The following MEI1 variants were observed in gnomAD, a reference collection of about 807,000 sequenced individuals.
The protein encoded by MEI1 is meiosis inhibitor protein 1.
In MEI1, 103 loss-of-function variants were observed where a neutral mutation model predicts 146.2. The observed-to-expected ratio is 0.70, with a 90% confidence interval of 0.60 to 0.83. The LOEUF (loss-of-function observed/expected upper bound fraction) is 0.83, where lower values mean the gene tolerates loss of function less well. Among genes scored for constraint, MEI1 ranks in the 40% least tolerant of loss-of-function variants. The probability of loss-of-function intolerance (pLI) is 0.00; values close to 1 mark genes in which losing one functional copy is unlikely to be tolerated. For synonymous variants in MEI1, 652 were observed against 628.2 expected, an observed-to-expected ratio of 1.04 and a Z score of -0.57; for missense variants, 1,529 against 1,533.0, an observed-to-expected ratio of 1.00 and a Z score of 0.04.
chr22:41,743,496 C>T (rs192731346), intron 12 of MEI1, among the ~76,000 whole-genome samples: 19 of 152,256 alleles, frequency 1.2e-4, no homozygotes, highest in East Asian at 7.7e-4. Flanking sequence ...CAGTCTATTA[C>T]ACACATTCTC....
intron 3 of MEI1, among the ~76,000 whole-genome samples, chr22:41,712,671 GATGTGT>G (rs2069692630): frequency 1.8e-5 from 1 of 56,212 alleles, no homozygotes; most frequent in African/African-American, 6.9e-5. Flanking sequence ...AATAGAAATA[GATGTGT>G]GTGTGTGTGT....
intron 18 of MEI1, among the ~76,000 whole-genome samples, chr22:41,761,460 G>A (rs1212528022): frequency 6.6e-6 from 1 of 151,664 alleles, no homozygotes. Flanking sequence ...AAATTCAGGT[G>A]CCCGCTACCA....
intron 14 of MEI1, among the ~76,000 whole-genome samples, chr22:41,747,639 G>A (rs2073404436): frequency 1.3e-5 from 2 of 152,092 alleles, no homozygotes; most frequent in Admixed American, 6.5e-5. Context: ...GAGAGGCAGA[G>A]GTTTCAATGA....
chr22:41,699,555 C>G lies in MEI1; in HGVS notation c.17C>G (p.Ala6Gly), dbSNP rs760554333. MAVRQ[A>G]ATAGTPGPRR... The stretch of plus-strand genomic sequence containing the variant: ...AGCGAGGAGATGGCTGTGAGGCAGG[C>G]GGCGACGGCGGGCACTCCCGGGCCC... Residue 6 changes from alanine (A) to glycine (G), a missense_variant, in exon 1 of 31, where the codon GCG becomes GGG. Physicochemically the swap from Ala to Gly is moderately conservative, Grantham distance 60 (BLOSUM62 0). Coordinates refer to ENST00000401548, the MANE Select transcript of MEI1 (RefSeq NM_152513.4). 3 of 1,610,978 alleles carry G rather than the reference C, an allele frequency of 1.9e-6. No individual in the cohort carries two copies. Among genetic ancestry groups the G allele is most frequent in the East Asian group, 4.5e-5 (2 of 44,824 alleles).
At chr22:41,707,189 T>A (rs1161056401) in intron 3 of MEI1, among the ~76,000 whole-genome samples, 1 of 152,054 alleles carries the variant, frequency 6.6e-6, no homozygotes, top group African/African-American at 2.4e-5. Flanking sequence ...GGTGATACAG[T>A]GAGACCCTGT....
intron 11 of MEI1, among the ~76,000 whole-genome samples, chr22:41,738,591 A>G (rs2072586833): frequency 6.6e-6 from 1 of 151,500 alleles, no homozygotes; most frequent in Non-Finnish European, 1.5e-5. Flanking sequence ...TGTCTCAAAA[A>G]CAAAACAAAA....
At chr22:41,728,272 C>T (rs568099884) in intron 7 of MEI1, among the ~76,000 whole-genome samples, 1 of 152,306 alleles carries the variant, frequency 6.6e-6, no homozygotes, top group African/African-American at 2.4e-5. Context: ...GTTAGGAACC[C>T]TCCTGAAATC....
At chr22:41,798,557 A>G (rs1983554) in intron 30 of MEI1, among the ~76,000 whole-genome samples, 110,587 of 150,370 alleles carry the variant, frequency 0.74, 41,195 homozygotes, top group African/African-American at 0.83. Context: ...CAGCCTGGGC[A>G]ACAGACCAAG....
At chr22:41,763,050 T>A (rs1463845146) in intron 18 of MEI1, 124 bp from the exon 19 acceptor site, 13 of 955,932 alleles carry the variant, frequency 1.4e-5, no homozygotes, top group Non-Finnish European at 2.0e-5. Context: ...GTCTAAGATG[T>A]CATTAGGCTG....
intron 11 of MEI1, among the ~76,000 whole-genome samples, chr22:41,735,453 C>T (rs1247440299): frequency 2.6e-5 from 4 of 152,098 alleles, no homozygotes; most frequent in East Asian, 1.9e-4. Context: ...GGGCTGGTCT[C>T]GAACTGCCGA....
chr22:41,729,811 A>ATCC, intron 8 of MEI1, 32 bp downstream of exon 8: 3 of 1,423,120 alleles, frequency 2.1e-6, no homozygotes, highest in Non-Finnish European at 2.9e-6. Flanking sequence ...TCTCCTCCCT[A>ATCC]TACTAGAAGG....
At chr22:41,732,372 T>C (rs1437930504) in intron 10 of MEI1, 28 bp downstream of exon 10, 9 of 1,613,250 alleles carry the variant, frequency 5.6e-6, no homozygotes, top group Non-Finnish European at 7.6e-6. Flanking sequence ...ACATGAGGCT[T>C]GTAGGGGCCA....
intron 11 of MEI1, among the ~76,000 whole-genome samples, chr22:41,739,666 G>A (rs2072690109): frequency 6.6e-6 from 1 of 151,976 alleles, no homozygotes; most frequent in African/African-American, 2.4e-5. Flanking sequence ...TAGAGTGGGA[G>A]GGATGAGTAA....
intron 18 of MEI1, among the ~76,000 whole-genome samples, chr22:41,758,993 A>G (rs1360919741): frequency 1.3e-5 from 2 of 151,906 alleles, no homozygotes; most frequent in African/African-American, 4.8e-5. Context: ...ACATACAAAA[A>G]TTAGCCGGGC....
intron 26 of MEI1, among the ~76,000 whole-genome samples, chr22:41,785,550 C>T (rs1003948751): frequency 5.3e-5 from 8 of 152,082 alleles, no homozygotes; most frequent in Admixed American, 4.6e-4. Flanking sequence ...GTGTGAGCCA[C>T]TGCACCTGGC....
At chr22:41,749,051 G>C (rs917847662) in intron 15 of MEI1, among the ~76,000 whole-genome samples, 1 of 152,160 alleles carries the variant, frequency 6.6e-6, no homozygotes, top group African/African-American at 2.4e-5. Flanking sequence ...TGATCTGCCC[G>C]CCTCGGCCTC....
Position 41,730,522 on chromosome 22 carries a change from G to A in MEI1, c.981G>A (p.Glu327=), listed in dbSNP as rs371108479. The change falls in exon 9 of 31, where the codon GAG becomes GAA. Residue 327 remains glutamate, a splice_region_variant and synonymous_variant. Transcript: ENST00000401548. ...TTTTCTCATCCTCTCCCTTGTTAGA[G>A]TTCCTCTTTGAGCATCTTTCTTCTT... The part of the protein sequence containing the change: ...ASAFIHADIP[E]FLFEHLSSSS... 236 of 1,608,328 alleles carry A rather than the reference G, an allele frequency of 1.5e-4. No homozygotes were observed. Among genetic ancestry groups the A allele is most frequent in the Non-Finnish European group, 1.9e-4 (224 of 1,174,894 alleles).
chr22:41,797,804 A>G (rs1028701778), intron 30 of MEI1, among the ~76,000 whole-genome samples: 5 of 152,066 alleles, frequency 3.3e-5, no homozygotes, highest in African/African-American at 1.2e-4. Context: ...CTCAACCTGT[A>G]CCTACCTCCT....
At chr22:41,700,450 C>T (rs1227891438) in intron 1 of MEI1, among the ~76,000 whole-genome samples, 1 of 152,240 alleles carries the variant, frequency 6.6e-6, no homozygotes, top group Non-Finnish European at 1.5e-5. Context: ...CCTGCCTCAA[C>T]CTACCCAGTA....
Sources: gnomAD v4.1 joint callset for allele counts (sites outside exome capture counted in the v4.1 genomes callset) on GRCh38, gnomAD v4.1.1 for gene constraint, MANE v1.5 for transcripts, NCBI Gene and HGNC (gene_info 2026-07-23, HGNC 2026-07-21) for gene names.